Variants in TARS3 observed in about 807,000 individuals in gnomAD.
TARS3 encodes threonine--tRNA ligase 2, cytoplasmic.
TARS3 carries 94 observed loss-of-function variants against 103.5 expected under a neutral mutation model. The ratio of observed to expected loss-of-function variants is 0.91; its 90% CI spans 0.77 to 1.08. The LOEUF (loss-of-function observed/expected upper bound fraction) is 1.08. TARS3 is among the 50% of genes least tolerant of loss of function. The pLI is 0.00. For synonymous variants in TARS3, 416 were observed against 355.4 expected, an observed-to-expected ratio of 1.17 and a Z score of -1.92; for missense variants, 952 against 995.2, an observed-to-expected ratio of 0.96 and a Z score of 0.58.
At chr15:101,657,065 T>C (rs375538593) in intron 17 of TARS3, 29 bp from the exon 18 acceptor site, 30 of 1,423,502 alleles carry the variant, frequency 2.1e-5, no homozygotes, top group Non-Finnish European at 2.9e-5. Context: ...CCTTTACTGT[T>C]ACATTATGGT....
chr15:101,654,877 T>TA, intron 18 of TARS3, 147 bp from the exon 19 acceptor site: 1 of 786,756 alleles, frequency 1.3e-6, no homozygotes, highest in South Asian at 1.7e-5. Flanking sequence ...CTCTGATAGT[T>TA]AAGTTTCTTG....
intron 12 of TARS3, among the ~76,000 whole-genome samples, chr15:101,682,998 TTTTA>T (rs1253010303): frequency 1.8e-4 from 27 of 152,188 alleles, no homozygotes; most frequent in African/African-American, 3.1e-4. Context: ...TTCCTGACAT[TTTTA>T]TTTGTCTTTT....
At position 101,724,325 on chromosome 15, in the gene TARS3, GTCC is replaced by G. The variant is rs1354430635; in HGVS notation, c.60_62del (p.Glu20del). On this transcript the variant is annotated inframe_deletion, in exon 1 of 19. Transcript: ENST00000335968. Reference sequence around the variant, plus strand: ...CGACCTCCGACCACAGCCAGCGGATGTCCTCCTCCTGCCGCTCCAGGCGCGACG... The same window carrying G: ...CGACCTCCGACCACAGCCAGCGGATGTCCTCCTGCCGCTCCAGGCGCGACG... 4 of 1,563,024 alleles carry G rather than the reference GTCC, an allele frequency of 2.6e-6. No individual in the cohort carries two copies. The African/African-American group carries it at 4.2e-5, about 17-fold the overall frequency.
intron 10 of TARS3, among the ~76,000 whole-genome samples, chr15:101,689,910 C>T (rs1437456350): frequency 6.6e-6 from 1 of 152,200 alleles, no homozygotes; most frequent in Non-Finnish European, 1.5e-5. Flanking sequence ...GAAAAGAAGG[C>T]TCTGATGTAT....
At chr15:101,718,060 GAAAGCAGGTATAAA>G (rs1264056714) in intron 3 of TARS3, among the ~76,000 whole-genome samples, 1 of 152,156 alleles carries the variant, frequency 6.6e-6, no homozygotes, top group Non-Finnish European at 1.5e-5. Context: ...TAGCACACAA[GAAAGCAGGTATAAA>G]AGGGGAGAGT....
At chr15:101,696,930 G>C (rs945587129) in intron 10 of TARS3, among the ~76,000 whole-genome samples, 1 of 152,126 alleles carries the variant, frequency 6.6e-6, no homozygotes, top group African/African-American at 2.4e-5. Context: ...TCCTCCATTT[G>C]ACCTTTTGGT....
At chr15:101,689,737 A>G (rs1898628084) in intron 10 of TARS3, among the ~76,000 whole-genome samples, 1 of 152,206 alleles carries the variant, frequency 6.6e-6, no homozygotes, top group South Asian at 2.1e-4. Flanking sequence ...TTGATTTCAC[A>G]CTTCTGGCCT....
intron 12 of TARS3, among the ~76,000 whole-genome samples, chr15:101,679,976 T>G (rs994571579): frequency 5.3e-5 from 8 of 152,198 alleles, no homozygotes; most frequent in African/African-American, 1.9e-4. Flanking sequence ...AAGTCTTATC[T>G]TTCCACTAGA....
At chr15:101,714,459 T>G (rs11247321) in intron 4 of TARS3, among the ~76,000 whole-genome samples, 139,021 of 151,738 alleles carry the variant, frequency 0.92, 64,429 homozygotes, top group East Asian at 1. Flanking sequence ...TGAAAAATTA[T>G]CTGAGTGTGG....
chr15:101,661,048 C>T (rs1215831203), intron 16 of TARS3, among the ~76,000 whole-genome samples: 1 of 143,062 alleles, frequency 7.0e-6, no homozygotes, highest in African/African-American at 2.6e-5. Context: ...GCCTGTGCAT[C>T]CATGTAACTC....
intron 18 of TARS3, among the ~76,000 whole-genome samples, chr15:101,656,242 T>G (rs1897194942): frequency 1.3e-5 from 2 of 152,236 alleles, no homozygotes; most frequent in African/African-American, 2.4e-5. Context: ...TCTGCCACCA[T>G]AAGAAGCCTG....
intron 4 of TARS3, among the ~76,000 whole-genome samples, chr15:101,712,649 A>T (rs8035859): frequency 6.6e-6 from 1 of 152,074 alleles, no homozygotes; most frequent in Admixed American, 6.5e-5. Flanking sequence ...CAGTCCTCCA[A>T]GTTCAAAAAG....
At chr15:101,683,974 C>T (rs1898358242) in intron 12 of TARS3, 101 bp downstream of exon 12, 6 of 1,237,556 alleles carry the variant, frequency 4.8e-6, no homozygotes, top group Non-Finnish European at 6.6e-6. Flanking sequence ...AGAGACTAGA[C>T]CAAACGTCTA....
At chr15:101,717,223 G>A (rs1900200697) in intron 3 of TARS3, among the ~76,000 whole-genome samples, 1 of 152,052 alleles carries the variant, frequency 6.6e-6, no homozygotes, top group African/African-American at 2.4e-5. Flanking sequence ...TTGAGGTTGG[G>A]GGCACACAGG....
At chr15:101,673,483 A>ACAT (rs1191142322) in intron 13 of TARS3, among the ~76,000 whole-genome samples, 1 of 152,182 alleles carries the variant, frequency 6.6e-6, no homozygotes, top group Admixed American at 6.5e-5. Flanking sequence ...TGTCATTGCT[A>ACAT]CATCACCACC....
chr15:101,724,080 C>G lies in TARS3; in HGVS notation c.297+11G>C, dbSNP rs1378967506. Reference sequence around the variant, plus strand: ...CCCGCGTCCTCTCCAGTGTCCCCACCGCCCGGTTACCTGTGCGCCGGCCTC... The same window carrying G: ...CCCGCGTCCTCTCCAGTGTCCCCACGGCCCGGTTACCTGTGCGCCGGCCTC... On this transcript the variant is annotated intron_variant, in intron 1 of 18. Coordinates refer to ENST00000335968, the MANE Select transcript of TARS3 (RefSeq NM_152334.3). 6.6e-6 allele frequency: 9 copies of G among 1,361,604 alleles called. No individual in the cohort carries two copies. In the African/African-American group the frequency reaches 1.4e-4, roughly 21 times the overall value. The allele number at this position is 1,361,604 out of a possible 1,614,324, so 84.3% of individuals were successfully genotyped here. A position where few individuals can be genotyped will look rare whatever the true frequency, so the allele number is the denominator to read the frequency against.
intron 15 of TARS3, among the ~76,000 whole-genome samples, chr15:101,663,084 G>A (rs1176202518): frequency 3.9e-5 from 6 of 152,162 alleles, no homozygotes; most frequent in South Asian, 2.1e-4. Flanking sequence ...AACTTATAGC[G>A]TATGCTTATA....
Position 101,685,912 on chromosome 15 carries a change from T to G in TARS3, c.1471A>C (p.Asn491His). ...EKDTFALKPMNCPGHCLMFAH... is the reference protein window; with the variant it reads ...EKDTFALKPMHCPGHCLMFAH... ...AATACTCACCAGTGCCCTGGACAAT[T>G]CATGGGTTTGAGGGCAAAAGTGTCC... is the stretch of plus-strand genomic sequence containing the variant. Residue 491 changes from asparagine (N) to histidine (H), a missense_variant, in exon 11 of 19, where the codon AAT becomes CAT. Asn to His is a moderately conservative substitution (Grantham distance 68, BLOSUM62 1). Transcript: ENST00000335968. The G allele has an allele frequency of 6.2e-7, 1 of 1,613,870 alleles. No homozygotes were observed. The highest frequency in any genetic ancestry group is 2.2e-5 in the East Asian group (1 of 44,876).
At chr15:101,708,652 C>T in intron 6 of TARS3, 141 bp downstream of exon 6, 1 of 645,618 alleles carries the variant, frequency 1.5e-6, no homozygotes, top group South Asian at 1.8e-5. Context: ...CAGCAAGTAA[C>T]TGGTAACAAC....
Sources: allele counts gnomAD v4.1 joint callset (sites outside exome capture counted in the v4.1 genomes callset), GRCh38; gene constraint gnomAD v4.1.1; transcripts MANE v1.5; gene names NCBI Gene and HGNC (gene_info 2026-07-23, HGNC 2026-07-21).